Variants in SH3KBP1 observed in about 807,000 individuals in gnomAD.
The protein encoded by SH3KBP1 is SH3 domain-containing kinase-binding protein 1.
A neutral mutation model predicts 50.1 loss-of-function variants in SH3KBP1; 8 were observed. The observed-to-expected ratio is 0.16, with a 90% CI of 0.09 to 0.29. SH3KBP1 has a LOEUF of 0.29. SH3KBP1 is among the 10% of genes least tolerant of loss of function. SH3KBP1 has a pLI of 1.00. For synonymous variants in SH3KBP1, 227 were observed against 218.6 expected, an observed-to-expected ratio of 1.04 and a Z score of -0.34; for missense variants, 377 against 535.2, an observed-to-expected ratio of 0.70 and a Z score of 2.92.
intron 1 of SH3KBP1, among the ~76,000 whole-genome samples, chrX:19,882,743 T>C (rs145645181): frequency 0.022 from 2,472 of 111,146 alleles, 80 homozygotes; most frequent in African/African-American, 0.077. Flanking sequence ...ATGCAAACAG[T>C]GTAACTTAAA....
At chrX:19,777,577 T>A (rs2066016661) in intron 2 of SH3KBP1, among the ~76,000 whole-genome samples, 1 of 111,513 alleles carries the variant, frequency 9.0e-6, no homozygotes, top group Non-Finnish European at 1.9e-5. Flanking sequence ...CTGAAGGGCC[T>A]GTCTAAAGCT....
Position 19,683,952 on chromosome X carries a change from T to C in SH3KBP1, c.597A>G (p.Thr199=), listed in dbSNP as rs761173792. The C allele has an allele frequency of 8.3e-7, 1 of 1,210,635 alleles. No homozygotes were observed. Among genetic ancestry groups the C allele is most frequent in the Non-Finnish European group, 1.1e-6 (1 of 894,359 alleles). Reference sequence around the variant, plus strand: ...TGGGCTGGATTGCTGCAGTTGCCACTGTCCCGTTGGCACCTTCAGACTTGG... The same window carrying C: ...TGGGCTGGATTGCTGCAGTTGCCACCGTCCCGTTGGCACCTTCAGACTTGG... ...SSTKSEGANG[T]VATAAIQPKK... is the part of the protein sequence containing the mutation. The change falls in exon 6 of 18, where the codon ACA becomes ACG. Residue 199 remains threonine (T), a synonymous_variant. Transcript: ENST00000397821.
chrX:19,753,602 G>A (rs956446366), intron 2 of SH3KBP1, among the ~76,000 whole-genome samples: 1 of 111,158 alleles, frequency 9.0e-6, no homozygotes, highest in African/African-American at 3.3e-5. Flanking sequence ...ACAAAAGGCT[G>A]GTCTGTCTCA....
intron 6 of SH3KBP1, among the ~76,000 whole-genome samples, chrX:19,682,333 TACACACACACACACACACACAC>T (rs59044973): frequency 4.0e-5 from 3 of 75,911 alleles, no homozygotes; most frequent in African/African-American, 4.8e-5. Context: ...ATAAGAGTCA[TACACACACACACACACACACAC>T]ACACACACAC....
At chrX:19,664,476 C>A (rs1264935427) in intron 6 of SH3KBP1, among the ~76,000 whole-genome samples, 3 of 111,097 alleles carry the variant, frequency 2.7e-5, no homozygotes, top group East Asian at 2.8e-4. Context: ...TCTCTTTCAG[C>A]CTCTCATTAA....
At chrX:19,700,896 T>TCATTCC (rs747592415) in intron 4 of SH3KBP1, among the ~76,000 whole-genome samples, 7 of 112,448 alleles carry the variant, frequency 6.2e-5, no homozygotes, top group Middle Eastern at 9.1e-3. Flanking sequence ...AAGCTGATTT[T>TCATTCC]CATTCCCTCC....
chrX:19,763,298 G>C (rs1569461097), intron 2 of SH3KBP1, among the ~76,000 whole-genome samples: 1 of 112,576 alleles, frequency 8.9e-6, no homozygotes, highest in Non-Finnish European at 1.9e-5. Flanking sequence ...GCATGGAAGA[G>C]AGCTGATTTC....
rs35328957 is a variant in SH3KBP1 at position 19,621,241 on chromosome X, ATTTTTT to A, written c.897+10617_897+10622del. ...AGGTGCCCGCCACCACACCTGGCTA[ATTTTTT>A]TTTTTTTTTTTTTTTGTATTTTTAG... On this transcript the variant is annotated intron_variant, in intron 8 of 17. Transcript: ENST00000397821. Among the ~76,000 whole-genome samples, 98 of 64,565 alleles carry A rather than the reference ATTTTTT, an allele frequency of 1.5e-3. 1 individual carries two copies. Among genetic ancestry groups the A allele is most frequent in the Admixed American group, 3.5e-3 (17 of 4,883 alleles). The allele number at this position is 64,565 out of a possible 115,157, so 56.1% of individuals were successfully genotyped here.
In SH3KBP1 at chrX:19,695,660, C is replaced by T; in HGVS notation, c.472G>A (p.Glu158Lys). 6 of 1,209,603 alleles carry T rather than the reference C, an allele frequency of 5.0e-6. No individual in the cohort carries two copies. Among genetic ancestry groups the T allele is most frequent in the Non-Finnish European group, 6.7e-6 (6 of 894,684 alleles). Residue 158 changes from glutamate (E) to lysine (K), a missense_variant, in exon 5 of 18, where the codon GAG becomes AAG. This residue lies in a region of SH3KBP1 where 257 missense variants were observed against 374.2 expected (regional missense o/e 0.69). Transcript: ENST00000397821. ...PSNFIKELSG[E>K]SDELGISQDE... ...TGGGAAATGCCAAGCTCATCCGACT[C>T]CCCTGACAGCTCCTTGATGAAGTTG... is the stretch of plus-strand genomic sequence containing the variant.
intron 14 of SH3KBP1, 63 bp from the exon 15 acceptor site, chrX:19,546,113 A>T: frequency 8.8e-7 from 1 of 1,139,424 alleles, no homozygotes; most frequent in Non-Finnish European, 1.2e-6. Flanking sequence ...CACTTTCGTT[A>T]ATATAATGCT....
intron 2 of SH3KBP1, among the ~76,000 whole-genome samples, chrX:19,780,515 C>A (rs2066143282): frequency 9.5e-6 from 1 of 104,964 alleles, no homozygotes; most frequent in African/African-American, 3.5e-5. Flanking sequence ...GAAGTCCTTG[C>A]CCATGCCTAT....
At chrX:19,633,953 C>A (rs1215796404) in intron 7 of SH3KBP1, among the ~76,000 whole-genome samples, 2 of 108,752 alleles carry the variant, frequency 1.8e-5, no homozygotes, top group African/African-American at 6.7e-5. Flanking sequence ...TAGGGATGGG[C>A]AGGTGCTCTA....
chrX:19,848,778 T>C (rs1422947338), intron 1 of SH3KBP1, among the ~76,000 whole-genome samples: 1 of 110,765 alleles, frequency 9.0e-6, no homozygotes, highest in Non-Finnish European at 1.9e-5. Flanking sequence ...TATTGATTGA[T>C]TGATTGATTG....
intron 6 of SH3KBP1, among the ~76,000 whole-genome samples, chrX:19,674,256 CA>C (rs1436300238): frequency 9.0e-6 from 1 of 111,146 alleles, no homozygotes; most frequent in African/African-American, 3.3e-5. Context: ...TGCTCCACCC[CA>C]AATAAATAAC....
intron 6 of SH3KBP1, among the ~76,000 whole-genome samples, chrX:19,669,787 C>T (rs903240724): frequency 9.0e-6 from 1 of 111,631 alleles, no homozygotes; most frequent in African/African-American, 3.3e-5. Context: ...TGCCTCTGTC[C>T]TCCTTTCTAG....
intron 1 of SH3KBP1, among the ~76,000 whole-genome samples, chrX:19,841,827 C>T (rs1312384744): frequency 2.1e-5 from 2 of 96,869 alleles, no homozygotes; most frequent in Admixed American, 1.3e-4. Context: ...AATTATGGTC[C>T]ACTGGAGAGA....
Position 19,685,251 on chromosome X carries a change from A to C in SH3KBP1, c.521-1223T>G, listed in dbSNP as rs757071630. Among the ~76,000 whole-genome samples, 136 of 112,532 alleles carry C rather than the reference A, an allele frequency of 1.2e-3. 1 individual carries two copies. The highest frequency in any genetic ancestry group is 4.2e-3 in the African/African-American group (130 of 31,009). On this transcript the variant is annotated intron_variant, in intron 5 of 17. Transcript: ENST00000397821. ...TGATACACCAAATACTTGCTCACATAAAATCTCATAAAATGTGGAAGTCAT... is the reference window on the plus strand; with the variant it reads ...TGATACACCAAATACTTGCTCACATCAAATCTCATAAAATGTGGAAGTCAT...
intron 6 of SH3KBP1, among the ~76,000 whole-genome samples, chrX:19,678,623 TG>T (rs1457456949): frequency 1.8e-5 from 2 of 110,654 alleles, no homozygotes; most frequent in Non-Finnish European, 3.8e-5. Context: ...ATATCTATAA[TG>T]AAAAAAAAAT....
chrX:19,631,299 G>A (rs749174054), intron 8 of SH3KBP1, among the ~76,000 whole-genome samples: 104 of 112,446 alleles, frequency 9.2e-4, no homozygotes, highest in Middle Eastern at 4.6e-3. Context: ...CACAGCCAAG[G>A]CCCTTGTTCA....
Sources: allele counts gnomAD v4.1 joint callset (sites outside exome capture counted in the v4.1 genomes callset), GRCh38; gene constraint gnomAD v4.1.1; regional missense constraint gnomAD v4.1.1; transcripts MANE v1.5; gene names NCBI Gene and HGNC (gene_info 2026-07-23, HGNC 2026-07-21).